CACNA2D3: variants seen among roughly 807,000 people sequenced by gnomAD.
CACNA2D3 encodes voltage-dependent calcium channel subunit alpha-2/delta-3.
In CACNA2D3, 60 loss-of-function variants were observed where a neutral mutation model predicts 160.6. That is an observed-to-expected ratio of 0.37 (90% CI 0.30 to 0.46). The LOEUF (loss-of-function observed/expected upper bound fraction) is 0.46. Ranked by LOEUF, CACNA2D3 falls within the 20% of genes least tolerant of loss-of-function variation. The probability of loss-of-function intolerance (pLI) is 1.00; values close to 1 mark genes in which losing one functional copy is unlikely to be tolerated. For missense variants in CACNA2D3, 1,205 were observed against 1,365.0 expected, an observed-to-expected ratio of 0.88 and a Z score of 1.85; for synonymous variants, 558 against 492.9, an observed-to-expected ratio of 1.13 and a Z score of -1.75.
chr3:55,043,253 C>T (rs974118197), intron 35 of CACNA2D3, among the ~76,000 whole-genome samples: 1 of 151,916 alleles, frequency 6.6e-6, no homozygotes, highest in Admixed American at 6.6e-5. Context: ...CCAGGTGTTC[C>T]TTATCCTTGC....
At chr3:54,822,795 CT>C (rs755241287) in intron 14 of CACNA2D3, among the ~76,000 whole-genome samples, 1 of 62,426 alleles carries the variant, frequency 1.6e-5, no homozygotes, top group Non-Finnish European at 3.2e-5. Flanking sequence ...TCTTTCCTTT[CT>C]TTCTTTCTTT....
intron 17 of CACNA2D3, among the ~76,000 whole-genome samples, chr3:54,867,528 TAAA>T (rs10663088): frequency 1.5e-5 from 2 of 137,928 alleles, no homozygotes; most frequent in Non-Finnish European, 1.5e-5. Context: ...AAGCCAGCTT[TAAA>T]AAAAAAAAAA....
intron 13 of CACNA2D3, among the ~76,000 whole-genome samples, chr3:54,799,240 T>C (rs1308069652): frequency 1.3e-5 from 2 of 152,254 alleles, no homozygotes; most frequent in Non-Finnish European, 2.9e-5. Flanking sequence ...TTTTATATTA[T>C]AGACCAGGTC....
chr3:55,065,855 T>C (rs767888279), intron 35 of CACNA2D3, among the ~76,000 whole-genome samples: 31 of 152,226 alleles, frequency 2.0e-4, no homozygotes, highest in African/African-American at 6.8e-4. Flanking sequence ...ATCCTCACTG[T>C]GGCATGCTAT....
intron 11 of CACNA2D3, among the ~76,000 whole-genome samples, chr3:54,654,899 C>G (rs1162708001): frequency 6.6e-6 from 1 of 152,228 alleles, no homozygotes; most frequent in East Asian, 1.9e-4. Context: ...GAAGATCCCT[C>G]TCCCTCCTCC....
Position 54,926,976 on chromosome 3 carries a change from A to G in CACNA2D3, c.2449+27108A>G, listed in dbSNP as rs181783904. 1.2e-4 allele frequency among the ~76,000 whole-genome samples: 18 copies of G among 151,856 alleles called. No individual in the cohort carries two copies. In the East Asian group the frequency reaches 3.3e-3, roughly 28 times the overall value. The stretch of plus-strand genomic sequence containing the variant: ...TAACACTCCCTTCTTTTTTTTTGAG[A>G]CTTGAATTTCAAAATATGACAAACA... On this transcript the variant is annotated intron_variant, in intron 27 of 37. Coordinates refer to ENST00000474759, the MANE Select transcript of CACNA2D3 (RefSeq NM_018398.3).
chr3:54,680,359 G>A (rs1334068924), intron 11 of CACNA2D3, among the ~76,000 whole-genome samples: 1 of 152,160 alleles, frequency 6.6e-6, no homozygotes, highest in Admixed American at 6.5e-5. Flanking sequence ...TTTTCCAGAT[G>A]TGTTTATATG....
intron 3 of CACNA2D3, among the ~76,000 whole-genome samples, chr3:54,348,194 C>T (rs541951417): frequency 6.6e-6 from 1 of 152,062 alleles, no homozygotes; most frequent in Non-Finnish European, 1.5e-5. Context: ...AACCACAGAC[C>T]CCTTTGCTGC....
At chr3:54,242,729 G>A (rs1296361627) in intron 2 of CACNA2D3, among the ~76,000 whole-genome samples, 1 of 152,126 alleles carries the variant, frequency 6.6e-6, no homozygotes, top group East Asian at 1.9e-4. Context: ...AATTTAAAAT[G>A]TATGAATTGT....
intron 9 of CACNA2D3, chr3:54,626,747 A>G (rs1699124374): frequency 1.5e-6 from 1 of 662,156 alleles, no homozygotes; most frequent in East Asian, 2.7e-5. Context: ...CAGTGACTGG[A>G]AAGCAAAGCG....
intron 27 of CACNA2D3, chr3:54,925,187 A>G (rs370974347): frequency 1.2e-6 from 2 of 1,612,982 alleles, no homozygotes; most frequent in African/African-American, 2.7e-5. Context: ...GGAGCAGGAC[A>G]ATCACACTGG....
intron 11 of CACNA2D3, among the ~76,000 whole-genome samples, chr3:54,654,389 G>A (rs1699837031): frequency 6.6e-6 from 1 of 152,152 alleles, no homozygotes; most frequent in South Asian, 2.1e-4. Context: ...CAGTGAATTG[G>A]ACAGGAATCA....
chr3:54,829,998 AATTCTCTGCCTCCCGGGTTCAAG>A (rs1703838565), intron 14 of CACNA2D3, among the ~76,000 whole-genome samples: 1 of 9,390 alleles, frequency 1.1e-4, no homozygotes, highest in Non-Finnish European at 2.0e-4. Flanking sequence ...AGGTTCAAGC[AATTCTCTGCCTCCCGGGTTCAAG>A]CAATTCTCTG....
intron 35 of CACNA2D3, among the ~76,000 whole-genome samples, chr3:55,035,000 A>G (rs1703782254): frequency 6.6e-6 from 1 of 152,106 alleles, no homozygotes; most frequent in African/African-American, 2.4e-5. Context: ...TCTGTTGCCT[A>G]TTTTGGGACA....
intron 2 of CACNA2D3, among the ~76,000 whole-genome samples, chr3:54,188,268 C>CAAAA (rs763126973): frequency 7.6e-6 from 1 of 131,400 alleles, no homozygotes; most frequent in Non-Finnish European, 1.6e-5. Flanking sequence ...AACAAACAAA[C>CAAAA]AAAAAAACCA....
At chr3:54,870,855 A>G (rs1280846125) in intron 17 of CACNA2D3, among the ~76,000 whole-genome samples, 2 of 152,216 alleles carry the variant, frequency 1.3e-5, no homozygotes, top group Admixed American at 6.5e-5. Context: ...TGCCACCAGT[A>G]TGCTGAGCCC....
chr3:54,992,442 C>T (rs1702762413), intron 31 of CACNA2D3, among the ~76,000 whole-genome samples: 1 of 152,128 alleles, frequency 6.6e-6, no homozygotes, highest in African/African-American at 2.4e-5. Flanking sequence ...CCCATTGTGA[C>T]CACAGGGGAG....
At chr3:54,662,866 T>G (rs1036499670) in intron 11 of CACNA2D3, among the ~76,000 whole-genome samples, 9 of 152,214 alleles carry the variant, frequency 5.9e-5, no homozygotes, top group Non-Finnish European at 1.2e-4. Flanking sequence ...AAGCTGAGTT[T>G]GATGACCAAC....
At chr3:54,156,747 C>T (rs530411536) in intron 2 of CACNA2D3, among the ~76,000 whole-genome samples, 18 of 152,266 alleles carry the variant, frequency 1.2e-4, no homozygotes, top group East Asian at 1.2e-3. Context: ...CTGCTAGCCA[C>T]GTGAGGGAGC....
Sources: gnomAD v4.1 joint callset for allele counts (sites outside exome capture counted in the v4.1 genomes callset) on GRCh38, gnomAD v4.1.1 for gene constraint, MANE v1.5 for transcripts, NCBI Gene and HGNC (gene_info 2026-07-23, HGNC 2026-07-21) for gene names.